PDE7B: variants seen among roughly 807,000 people sequenced by gnomAD.
PDE7B encodes the protein 3',5'-cyclic-AMP phosphodiesterase 7B.
Under a neutral mutation model 56.2 loss-of-function variants are expected in PDE7B, and 29 were observed. The ratio of observed to expected loss-of-function variants is 0.52; its 90% confidence interval spans 0.38 to 0.70. PDE7B has a LOEUF of 0.70. PDE7B is among the 30% of genes least tolerant of loss of function. PDE7B has a pLI of 0.00. For missense variants in PDE7B, 490 were observed against 565.0 expected (o/e 0.87, Z 1.35); for synonymous variants, 197 against 196.9 (o/e 1.00, Z 0.00).
chr6:135,997,944 A>G (rs892317092), intron 2 of PDE7B, among the ~76,000 whole-genome samples: 8 of 152,132 alleles, frequency 5.3e-5, no homozygotes, highest in African/African-American at 1.9e-4. Context: ...CATTTTACAA[A>G]ACAAACAAAC....
chr6:135,998,773 AAAAT>A (rs1775613065), intron 2 of PDE7B, among the ~76,000 whole-genome samples: 1 of 143,332 alleles, frequency 7.0e-6, no homozygotes, highest in Non-Finnish European at 1.6e-5. Context: ...AAAAAAATAA[AAAAT>A]AAACAAAAAA....
At chr6:136,126,945 T>C (rs1258150305) in intron 3 of PDE7B, among the ~76,000 whole-genome samples, 5 of 152,264 alleles carry the variant, frequency 3.3e-5, no homozygotes, top group East Asian at 1.9e-4. Context: ...CAATAACCTA[T>C]GGAAATAAAA....
intron 2 of PDE7B, among the ~76,000 whole-genome samples, chr6:135,987,856 T>C (rs975707790): frequency 6.6e-6 from 1 of 151,874 alleles, no homozygotes; most frequent in Non-Finnish European, 1.5e-5. Flanking sequence ...CACACACACA[T>C]ATATAATCAC....
At chr6:136,172,482 GTTAT>G (rs1283619899) in intron 8 of PDE7B, among the ~76,000 whole-genome samples, 2 of 152,106 alleles carry the variant, frequency 1.3e-5, no homozygotes, top group African/African-American at 2.4e-5. Flanking sequence ...TTTTAATGGG[GTTAT>G]TTTTTTCTTG....
rs1039679917 is a variant in PDE7B, at chr6:136,071,986, G to T, written c.83-36745G>T. On this transcript the variant is annotated intron_variant, in intron 2 of 12. Transcript: ENST00000308191. ...TTATTAAGCATCTATTATGTTTTAA[G>T]AATTAAATGAGGTGACCCTACAACA... Among the ~76,000 whole-genome samples the T allele has an allele frequency of 7.9e-5, 12 of 152,178 alleles. No homozygotes were observed. The South Asian group carries it at 2.5e-3, about 32-fold the overall frequency.
chr6:135,959,104 A>G (rs1174409875), intron 2 of PDE7B, among the ~76,000 whole-genome samples: 3 of 152,180 alleles, frequency 2.0e-5, no homozygotes, highest in Non-Finnish European at 4.4e-5. Context: ...CTTTACCTAA[A>G]TTCTGGGATT....
At chr6:136,147,024 A>T (rs1778424268) in intron 3 of PDE7B, among the ~76,000 whole-genome samples, 1 of 152,098 alleles carries the variant, frequency 6.6e-6, no homozygotes, top group African/African-American at 2.4e-5. Context: ...TGCCTGTAGT[A>T]GCATCTACTC....
At chr6:135,879,570 C>G (rs977834522) in intron 1 of PDE7B, among the ~76,000 whole-genome samples, 1 of 151,668 alleles carries the variant, frequency 6.6e-6, no homozygotes, top group Non-Finnish European at 1.5e-5. Flanking sequence ...AAATATTTAA[C>G]CAATACTCGT....
chr6:136,147,854 A>G (rs1425504436), intron 4 of PDE7B, among the ~76,000 whole-genome samples: 1 of 152,220 alleles, frequency 6.6e-6, no homozygotes, highest in African/African-American at 2.4e-5. Flanking sequence ...TTTTTAATTT[A>G]TTAAATTAGC....
At chr6:136,005,310 T>C in intron 2 of PDE7B, among the ~76,000 whole-genome samples, 1 of 152,092 alleles carries the variant, frequency 6.6e-6, no homozygotes, top group Non-Finnish European at 1.5e-5. Flanking sequence ...ACTTCATGTC[T>C]AAAACACCAA....
chr6:135,945,968 T>C (rs1372531434), intron 1 of PDE7B, among the ~76,000 whole-genome samples: 4 of 152,138 alleles, frequency 2.6e-5, no homozygotes, highest in African/African-American at 9.6e-5. Flanking sequence ...GGACACACCA[T>C]TATAGAAAAA....
At chr6:136,128,962 C>G (rs1172213565) in intron 3 of PDE7B, among the ~76,000 whole-genome samples, 1 of 152,150 alleles carries the variant, frequency 6.6e-6, no homozygotes, top group East Asian at 1.9e-4. Context: ...CCTTCTGCCC[C>G]CTTCCATCAG....
At chr6:136,103,169 C>T (rs1777591796) in intron 2 of PDE7B, among the ~76,000 whole-genome samples, 1 of 152,182 alleles carries the variant, frequency 6.6e-6, no homozygotes, top group Admixed American at 6.5e-5. Context: ...CCTACTTAGC[C>T]AGTTCAGCAC....
chr6:136,042,162 C>T (rs1583843935), intron 2 of PDE7B, among the ~76,000 whole-genome samples: 1 of 152,232 alleles, frequency 6.6e-6, no homozygotes. Context: ...TGCAAATATC[C>T]AAGGAAAGAT....
chr6:135,949,274 T>C (rs1774652576), intron 2 of PDE7B, among the ~76,000 whole-genome samples: 1 of 152,016 alleles, frequency 6.6e-6, no homozygotes, highest in African/African-American at 2.4e-5. Flanking sequence ...TGTCCTGTCT[T>C]CCATGTAAGT....
At chr6:135,865,233 T>G (rs546743185) in intron 1 of PDE7B, among the ~76,000 whole-genome samples, 1 of 152,062 alleles carries the variant, frequency 6.6e-6, no homozygotes, top group South Asian at 2.1e-4. Flanking sequence ...TATGTTCGAG[T>G]TTTGAATGTT....
intron 2 of PDE7B, among the ~76,000 whole-genome samples, chr6:136,058,665 A>G (rs879127973): frequency 6.6e-6 from 1 of 152,180 alleles, no homozygotes; most frequent in East Asian, 1.9e-4. Context: ...TTATCAACAC[A>G]CATGTTAACT....
In PDE7B at chr6:135,923,774, G is replaced by T. The variant is rs187326863; in HGVS notation, c.22-23690G>T. ...GAAATTTTATAAAATTAAAACACAA[G>T]TGACAAACTTGATAATATACTTGTA... On this transcript the variant is annotated intron_variant, in intron 1 of 12. Transcript: ENST00000308191. 2.8e-3 allele frequency among the ~76,000 whole-genome samples: 425 copies of T among 152,160 alleles called. 4 individuals carry two copies. Among genetic ancestry groups the T allele is most frequent in the African/African-American group, 9.4e-3 (389 of 41,524 alleles).
At chr6:136,022,513 G>T (rs1320054559) in intron 2 of PDE7B, among the ~76,000 whole-genome samples, 1 of 151,994 alleles carries the variant, frequency 6.6e-6, no homozygotes, top group African/African-American at 2.4e-5. Context: ...TTTCCATTTG[G>T]GGGCACCTAT....
Sources: allele counts gnomAD v4.1 joint callset (sites outside exome capture counted in the v4.1 genomes callset), GRCh38; gene constraint gnomAD v4.1.1; transcripts MANE v1.5; gene names NCBI Gene and HGNC (gene_info 2026-07-23, HGNC 2026-07-21).